Variants in GALNT17 observed in about 807,000 individuals in gnomAD.
The protein encoded by GALNT17 is UDP-GalNAc:polypeptide N-acetylgalactosaminyltransferase-like 3.
A neutral mutation model predicts 63.7 loss-of-function variants in GALNT17; 29 were observed. That is an observed-to-expected ratio of 0.46 (90% CI 0.34 to 0.62). The LOEUF (loss-of-function observed/expected upper bound fraction) is 0.62, where lower values mean the gene tolerates loss of function less well. Among genes scored for constraint, GALNT17 ranks in the 20% least tolerant of loss-of-function variants. GALNT17 has a pLI of 0.01. For missense variants in GALNT17, 603 were observed against 799.6 expected (o/e 0.75, Z 2.97); for synonymous variants, 305 against 318.3 (o/e 0.96, Z 0.45).
At chr7:71,676,058 TG>T (rs1271752780) in intron 8 of GALNT17, among the ~76,000 whole-genome samples, 1 of 152,262 alleles carries the variant, frequency 6.6e-6, no homozygotes. Context: ...GAATATAACC[TG>T]GAGGGGAATG....
At chr7:71,184,511 C>A (rs1266809714) in intron 1 of GALNT17, among the ~76,000 whole-genome samples, 5 of 152,170 alleles carry the variant, frequency 3.3e-5, no homozygotes, top group African/African-American at 1.2e-4. Context: ...TCCTCCCCAT[C>A]TTGAGCTCAG....
At chr7:71,483,078 G>T (rs1181837677) in intron 5 of GALNT17, among the ~76,000 whole-genome samples, 1 of 152,148 alleles carries the variant, frequency 6.6e-6, no homozygotes, top group Non-Finnish European at 1.5e-5. Context: ...AAGGCCTGGG[G>T]GATTGGGGAC....
intron 6 of GALNT17, among the ~76,000 whole-genome samples, chr7:71,653,205 G>A (rs965405598): frequency 1.9e-4 from 29 of 151,748 alleles, no homozygotes; most frequent in Non-Finnish European, 3.7e-4. Flanking sequence ...TAGTAGAGAC[G>A]GGGTTTTACC....
At position 71,273,854 on chromosome 7, in the gene GALNT17, TGA is replaced by T. The variant is rs541301580; in HGVS notation, c.239-61673_239-61672del. Among the ~76,000 whole-genome samples the T allele has an allele frequency of 1.5e-3, 225 of 150,620 alleles. 1 individual carries two copies. Among genetic ancestry groups the T allele is most frequent in the Middle Eastern group, 3.5e-3 (1 of 284 alleles). On this transcript the variant is annotated intron_variant, in intron 1 of 10. Transcript: ENST00000333538. ...TAATGAGATAATGTGTGTGTGTGTG[TGA>T]GAGAGAGAGAGAGAGAGAGAGAATG... is the stretch of plus-strand genomic sequence containing the variant.
chr7:71,344,371 TA>T (rs759637873), intron 2 of GALNT17, among the ~76,000 whole-genome samples: 9 of 152,198 alleles, frequency 5.9e-5, no homozygotes, highest in East Asian at 5.8e-4. Context: ...ATTTTGGGAT[TA>T]GGGGAAATGG....
At chr7:71,545,651 CT>C (rs1413973984) in intron 5 of GALNT17, among the ~76,000 whole-genome samples, 1 of 152,192 alleles carries the variant, frequency 6.6e-6, no homozygotes, top group Non-Finnish European at 1.5e-5. Context: ...CACAGCCAGC[CT>C]GATTTTTACT....
chr7:71,216,202 G>A (rs1197228161), intron 1 of GALNT17, among the ~76,000 whole-genome samples: 2 of 152,104 alleles, frequency 1.3e-5, no homozygotes, highest in Non-Finnish European at 2.9e-5. Flanking sequence ...GGGCAACAGA[G>A]CAAGACCCTG....
In GALNT17 at chr7:71,563,539, C is replaced by T. The variant is rs934515205; in HGVS notation, c.963-7746C>T. On this transcript the variant is annotated intron_variant, in intron 5 of 10. Coordinates refer to ENST00000333538, the MANE Select transcript of GALNT17 (RefSeq NM_022479.3). ...ATACAAAGCAGGTGCCCACTGAGCT[C>T]GCCAGCAACGCTGACTGGCCTGTCC... Among the ~76,000 whole-genome samples, 31 of 152,042 alleles carry T rather than the reference C, an allele frequency of 2.0e-4. 1 individual carries two copies. The highest frequency in any genetic ancestry group is 1.8e-3 in the Admixed American group (28 of 15,274).
intron 3 of GALNT17, among the ~76,000 whole-genome samples, chr7:71,393,917 A>G (rs1451372868): frequency 6.6e-6 from 1 of 152,048 alleles, no homozygotes; most frequent in Admixed American, 6.5e-5. Flanking sequence ...GCACCATCTG[A>G]TATTGTCACG....
intron 2 of GALNT17, among the ~76,000 whole-genome samples, chr7:71,367,317 C>CA (rs1792530913): frequency 6.6e-6 from 1 of 152,026 alleles, no homozygotes; most frequent in Non-Finnish European, 1.5e-5. Context: ...GGTATGGGAC[C>CA]AAAAAACATA....
At chr7:71,319,395 G>A (rs946432662) in intron 1 of GALNT17, among the ~76,000 whole-genome samples, 4 of 152,048 alleles carry the variant, frequency 2.6e-5, no homozygotes, top group Non-Finnish European at 5.9e-5. Context: ...ACGTTCTTCT[G>A]TTTTCTTTGC....
chr7:71,709,049 T>G (rs926739018), intron 9 of GALNT17, among the ~76,000 whole-genome samples: 1 of 152,210 alleles, frequency 6.6e-6, no homozygotes, highest in South Asian at 2.1e-4. Flanking sequence ...TTTGGTAGAA[T>G]GATGTCTTTT....
intron 6 of GALNT17, among the ~76,000 whole-genome samples, chr7:71,639,507 C>G (rs1790574303): frequency 6.6e-6 from 1 of 152,170 alleles, no homozygotes; most frequent in Non-Finnish European, 1.5e-5. Flanking sequence ...GAGGTTCTGA[C>G]ACTGAGCGAT....
rs1448672680 is a variant in GALNT17, at chr7:71,185,000, TTC to T, written c.238+51961_238+51962del. ...CCTTCCTTCCTTCCTTCCTTCCTTC[TTC>T]CTTCCCTCCCTCCCTCCTTCCTTCC... On this transcript the variant is annotated intron_variant, in intron 1 of 10. Transcript: ENST00000333538. Among the ~76,000 whole-genome samples, 21 of 111,120 alleles carry T rather than the reference TTC, an allele frequency of 1.9e-4. 1 individual carries two copies. The highest frequency in any genetic ancestry group is 7.8e-4 in the African/African-American group (20 of 25,720). The allele number at this position is 111,120 out of a possible 152,430, so 72.9% of individuals were successfully genotyped here.
At chr7:71,391,657 A>G (rs1214720207) in intron 3 of GALNT17, among the ~76,000 whole-genome samples, 2 of 151,414 alleles carry the variant, frequency 1.3e-5, no homozygotes, top group Non-Finnish European at 2.9e-5. Context: ...TAATTTATAT[A>G]TATATTTTTT....
At chr7:71,531,298 T>TTCA (rs1287959453) in intron 5 of GALNT17, among the ~76,000 whole-genome samples, 1 of 152,058 alleles carries the variant, frequency 6.6e-6, no homozygotes, top group East Asian at 1.9e-4. Context: ...TCCACCCTCT[T>TTCA]TTATTATTAT....
At chr7:71,301,991 T>C (rs767598264) in intron 1 of GALNT17, among the ~76,000 whole-genome samples, 9 of 152,136 alleles carry the variant, frequency 5.9e-5, no homozygotes, top group Admixed American at 2.6e-4. Context: ...ATAATACATG[T>C]AGCAAGAATG....
At chr7:71,192,812 G>A (rs1788976635) in intron 1 of GALNT17, among the ~76,000 whole-genome samples, 2 of 152,158 alleles carry the variant, frequency 1.3e-5, no homozygotes, top group South Asian at 2.1e-4. Flanking sequence ...ATTTGGTGTT[G>A]TCAGTCTTTT....
chr7:71,624,144 A>G (rs1164477537), intron 6 of GALNT17, among the ~76,000 whole-genome samples: 1 of 152,114 alleles, frequency 6.6e-6, no homozygotes, highest in Non-Finnish European at 1.5e-5. Flanking sequence ...GATTTCCTGT[A>G]TTTGCCACTA....
Sources: gnomAD v4.1 joint callset for allele counts (sites outside exome capture counted in the v4.1 genomes callset) on GRCh38, gnomAD v4.1.1 for gene constraint, MANE v1.5 for transcripts, NCBI Gene and HGNC (gene_info 2026-07-23, HGNC 2026-07-21) for gene names.